ABCC3: variants seen among roughly 807,000 people sequenced by gnomAD.
ABCC3 encodes the protein ATP-binding cassette sub-family C member 3.
ABCC3 carries 121 observed loss-of-function variants against 165.3 expected under a neutral mutation model. That is an observed-to-expected ratio of 0.73 (90% confidence interval 0.63 to 0.85). The LOEUF is 0.85. Ranked by LOEUF, ABCC3 falls within the 40% of genes least tolerant of loss-of-function variation. The pLI is 0.00. For synonymous variants in ABCC3, 733 were observed against 810.1 expected, an observed-to-expected ratio of 0.90 and a Z score of 1.62; for missense variants, 1,869 against 1,964.1, an observed-to-expected ratio of 0.95 and a Z score of 0.92.
chr17:50,678,030 C>G, intron 24 of ABCC3, 63 bp from the exon 25 acceptor site: 6 of 1,614,014 alleles, frequency 3.7e-6, no homozygotes, highest in Non-Finnish European at 5.1e-6. Flanking sequence ...CTCCTTTCCC[C>G]TAAGCAGAAA....
At chr17:50,681,350 G>A (rs1241479970) in intron 26 of ABCC3, among the ~76,000 whole-genome samples, 9 of 151,982 alleles carry the variant, frequency 5.9e-5, no homozygotes, top group East Asian at 1.9e-4. Context: ...CTCCTTCACC[G>A]TTGTCTCCTT....
rs143991571 is a variant in ABCC3 at position 50,653,941 on chromosome 17, A to C, written c.46-1891A>C. On this transcript the variant is annotated intron_variant, in intron 1 of 30. Transcript: ENST00000285238. The stretch of plus-strand genomic sequence containing the variant: ...TGCGATTGGCTGAAAGCTCAGTTGC[A>C]ATGATTGGCTGAGACTCAGCTACTT... 2.7e-3 allele frequency among the ~76,000 whole-genome samples: 414 copies of C among 152,350 alleles called. 3 individuals carry two copies. Among genetic ancestry groups the C allele is most frequent in the African/African-American group, 8.8e-3 (367 of 41,586 alleles).
chr17:50,659,411 C>T (rs137996081), intron 7 of ABCC3, 43 bp downstream of exon 7: 3 of 1,575,194 alleles, frequency 1.9e-6, no homozygotes, highest in South Asian at 1.1e-5. Context: ...CCTTCGCTTA[C>T]CCCAGATCTC....
Position 50,657,102 on chromosome 17 carries a change from G to T in ABCC3, c.405G>T (p.Gly135=), listed in dbSNP as rs756887422. Residue 135 remains glycine (G), a synonymous_variant, in exon 4 of 31, where the codon GGG becomes GGT. Coordinates refer to ENST00000285238, the MANE Select transcript of ABCC3 (RefSeq NM_003786.4). ...YERLQGVQSS[G]VLIIFWFLCV... is the part of the protein sequence containing the mutation. ...GGCTGCAGGGCGTACAGTCTTCGGGGGTCCTCATTATCTTCTGGTTCCTGT... is the reference window on the plus strand; with the variant it reads ...GGCTGCAGGGCGTACAGTCTTCGGGTGTCCTCATTATCTTCTGGTTCCTGT... The T allele has an allele frequency of 6.2e-7, 1 of 1,614,162 alleles. No individual in the cohort carries two copies. Among genetic ancestry groups the T allele is most frequent in the Non-Finnish European group, 8.5e-7 (1 of 1,180,036 alleles).
At chr17:50,674,187 C>A (rs558184080) in intron 19 of ABCC3, 1 of 151,980 alleles carries the variant, frequency 6.6e-6, no homozygotes, top group Non-Finnish European at 1.5e-5. Flanking sequence ...CTGCCTCAGG[C>A]TCCCGAGTAG....
At chr17:50,657,310 T>G in intron 4 of ABCC3, 127 bp downstream of exon 4, 1 of 1,265,128 alleles carries the variant, frequency 7.9e-7, no homozygotes, top group Non-Finnish European at 1.1e-6. Context: ...AATTGTGTTG[T>G]TCTCCACTTG....
intron 25 of ABCC3, 55 bp from the exon 26 acceptor site, chr17:50,679,743 C>T: frequency 6.6e-7 from 1 of 1,510,974 alleles, no homozygotes; most frequent in South Asian, 1.1e-5. Context: ...CCTCCCAAAG[C>T]CATTACGGTG....
chr17:50,678,367 G>GA (rs1481361287), intron 25 of ABCC3, 148 bp downstream of exon 25: 13 of 775,318 alleles, frequency 1.7e-5, no homozygotes, highest in East Asian at 3.2e-5. Context: ...AAAAAAAAAA[G>GA]AAAAAAATCA....
At chr17:50,637,266 C>T (rs1001813532) in intron 1 of ABCC3, among the ~76,000 whole-genome samples, 5 of 152,026 alleles carry the variant, frequency 3.3e-5, no homozygotes, top group African/African-American at 1.2e-4. Flanking sequence ...GGGGAAGGAG[C>T]GTGGAGAGAG....
intron 26 of ABCC3, among the ~76,000 whole-genome samples, chr17:50,681,842 C>G (rs1236329743): frequency 2.6e-5 from 4 of 152,058 alleles, no homozygotes; most frequent in Admixed American, 6.6e-5. Context: ...CCGTGGCCTG[C>G]ATTGCACCCG....
chr17:50,684,788 C>A lies in ABCC3; in HGVS notation c.4193C>A (p.Ala1398Asp). The A allele has an allele frequency of 6.2e-7, 1 of 1,614,126 alleles. No homozygotes were observed. Among genetic ancestry groups the A allele is most frequent in the Non-Finnish European group, 8.5e-7 (1 of 1,180,020 alleles). ...TACTCAGAGGAGGACATTTGGTGGG[C>A]TTTGGAGCTGTCCCACCTGCACACG... ...GSYSEEDIWW[A>D]LELSHLHTFV... The change falls in exon 29 of 31, where the codon GCT (alanine) becomes GAT (aspartate). Residue 1398 changes from alanine to aspartate, a missense_variant. By Grantham distance (126) the Ala-to-Asp change is moderately radical. Coordinates refer to ENST00000285238, the MANE Select transcript of ABCC3 (RefSeq NM_003786.4).
In ABCC3 at chr17:50,679,850, A is replaced by G; in HGVS notation, c.3758A>G (p.Asn1253Ser). Residue 1253 changes from asparagine to serine, a missense_variant, in exon 26 of 31, where the codon AAC becomes AGC. Coordinates refer to ENST00000285238, the MANE Select transcript of ABCC3 (RefSeq NM_003786.4). ...CGAATGATGTCAGATTTGGAATCTA[A>G]CATCGTGGCTGTGGAGAGGGTCAAG... Reference protein sequence around the residue: ...MIRMMSDLESNIVAVERVKEY... With the variant: ...MIRMMSDLESSIVAVERVKEY... 6.2e-7 allele frequency: 1 copy of G among 1,614,160 alleles called. No homozygotes were observed. Among genetic ancestry groups the G allele is most frequent in the Non-Finnish European group, 8.5e-7 (1 of 1,180,016 alleles).
chr17:50,672,686 G>C (rs1471511841), intron 17 of ABCC3, among the ~76,000 whole-genome samples: 1 of 152,082 alleles, frequency 6.6e-6, no homozygotes, highest in African/African-American at 2.4e-5. Flanking sequence ...GCAACATATG[G>C]AGATTCTGTC....
intron 23 of ABCC3, among the ~76,000 whole-genome samples, chr17:50,677,443 G>C (rs1967843957): frequency 6.6e-6 from 1 of 152,246 alleles, no homozygotes; most frequent in East Asian, 1.9e-4. Context: ...GCTGGGCTAG[G>C]GGAGAATCAG....
At chr17:50,657,291 T>C in intron 4 of ABCC3, 108 bp downstream of exon 4, 2 of 1,399,022 alleles carry the variant, frequency 1.4e-6, no homozygotes, top group Admixed American at 2.2e-5. Context: ...AGGCTTCAAG[T>C]ACAAACACAA....
chr17:50,676,885 TTGG>T lies in ABCC3; in HGVS notation c.3378+298_3378+300del, dbSNP rs770789933. On this transcript the variant is annotated intron_variant, in intron 23 of 30. Coordinates refer to ENST00000285238, the MANE Select transcript of ABCC3 (RefSeq NM_003786.4). ...GGACTTTCCTGTTGGCTTTTTTTTT[TTGG>T]GGGGGGGGGGACGGAATCTCGAGTC... Among the ~76,000 whole-genome samples, 255 of 99,442 alleles carry T rather than the reference TTGG, an allele frequency of 2.6e-3. 1 individual carries two copies. The highest frequency in any genetic ancestry group is 0.012 in the African/African-American group (198 of 16,984). The allele number at this position is 99,442 out of a possible 152,430, so 65.2% of individuals were successfully genotyped here.
At chr17:50,675,212 CA>C (rs983843907) in intron 19 of ABCC3, 149 bp from the exon 20 acceptor site, 2 of 545,576 alleles carry the variant, frequency 3.7e-6, no homozygotes, top group African/African-American at 3.8e-5. Flanking sequence ...TTGCTTAACC[CA>C]AGTCTTTCTT....
At chr17:50,661,615 G>A (rs1567830496) in intron 8 of ABCC3, among the ~76,000 whole-genome samples, 1 of 152,210 alleles carries the variant, frequency 6.6e-6, no homozygotes, top group Admixed American at 6.5e-5. Context: ...CTGCCTAGTA[G>A]CTAAGTCCCC....
intron 5 of ABCC3, 28 bp from the exon 6 acceptor site, chr17:50,658,407 T>TC: frequency 6.2e-7 from 1 of 1,609,148 alleles, no homozygotes; most frequent in Non-Finnish European, 8.5e-7. Context: ...CACTCCTGAT[T>TC]CCCCCGTCCT....
Sources: allele counts gnomAD v4.1 joint callset (sites outside exome capture counted in the v4.1 genomes callset), GRCh38; gene constraint gnomAD v4.1.1; transcripts MANE v1.5; gene names NCBI Gene and HGNC (gene_info 2026-07-23, HGNC 2026-07-21).